CIP2A: variants seen among roughly 807,000 people sequenced by gnomAD.
The protein encoded by CIP2A is cellular inhibitor of PP2A, also known as protein CIP2A.
In CIP2A, 103 loss-of-function variants were observed where a neutral mutation model predicts 110.9. The ratio of observed to expected loss-of-function variants is 0.93; its 90% CI spans 0.79 to 1.09. The LOEUF is 1.09. Ranked by LOEUF, CIP2A falls within the 50% of genes least tolerant of loss-of-function variation. The probability of loss-of-function intolerance (pLI) is 0.00; values close to 1 mark genes in which losing one functional copy is unlikely to be tolerated. For missense variants in CIP2A, 1,088 were observed against 1,038.4 expected (o/e 1.05, Z -0.66); for synonymous variants, 381 against 361.6 (o/e 1.05, Z -0.61).
intron 8 of CIP2A, among the ~76,000 whole-genome samples, chr3:108,573,685 A>C (rs2107347064): frequency 6.6e-6 from 1 of 152,246 alleles, no homozygotes; most frequent in South Asian, 2.1e-4. Flanking sequence ...AATTAGAAAT[A>C]GTTCTCATAT....
chr3:108,551,897 A>C (rs1937605822), intron 20 of CIP2A, among the ~76,000 whole-genome samples: 1 of 152,146 alleles, frequency 6.6e-6, no homozygotes, highest in Non-Finnish European at 1.5e-5. Context: ...TTCAGTTGTA[A>C]GTTGAAAATA....
chr3:108,577,478 G>A (rs549693330), intron 7 of CIP2A, among the ~76,000 whole-genome samples: 1 of 152,274 alleles, frequency 6.6e-6, no homozygotes, highest in South Asian at 2.1e-4. Flanking sequence ...ATAAACATAG[G>A]TACGTTTGTC....
rs1215343897 is a variant in CIP2A, at chr3:108,579,270, G to C, written c.818+11C>G. 6.3e-7 allele frequency: 1 copy of C among 1,592,868 alleles called. No homozygotes were observed. The highest frequency in any genetic ancestry group is 1.3e-5 in the African/African-American group (1 of 74,078). ...TAAAAAAGTTCTAAAATTGACTGAA[G>C]TGAGTCATACCTGGTGAGATAATCA... On this transcript the variant is annotated intron_variant, in intron 7 of 20. Coordinates refer to ENST00000295746, the MANE Select transcript of CIP2A (RefSeq NM_020890.3).
At chr3:108,559,696 T>C in intron 16 of CIP2A, 61 bp downstream of exon 16, 2 of 894,124 alleles carry the variant, frequency 2.2e-6, no homozygotes, top group Non-Finnish European at 3.3e-6. Flanking sequence ...ATAACTAATA[T>C]TTTGCATGTT....
intron 8 of CIP2A, among the ~76,000 whole-genome samples, chr3:108,570,192 C>A (rs756153749): frequency 6.6e-6 from 1 of 151,928 alleles, no homozygotes; most frequent in Non-Finnish European, 1.5e-5. Context: ...AATTCCACCT[C>A]ATTTCACATA....
rs892551100 is a variant in CIP2A, at chr3:108,558,531, G to A, written c.2014-1117C>T. ...TATTATGTGCCAAGTGCTATGCTAG[G>A]GCCTGGAGCTATAGAAGCAGTCTTT... On this transcript the variant is annotated intron_variant, in intron 16 of 20. Transcript: ENST00000295746. 2.0e-5 allele frequency among the ~76,000 whole-genome samples: 3 copies of A among 152,062 alleles called. No homozygotes were observed. In the South Asian group the frequency reaches 6.2e-4, roughly 32 times the overall value.
At chr3:108,575,802 GTA>G (rs1168154438) in intron 8 of CIP2A, among the ~76,000 whole-genome samples, 2 of 41,198 alleles carry the variant, frequency 4.9e-5, no homozygotes, top group East Asian at 4.2e-4. Flanking sequence ...ATATATACGT[GTA>G]TATATACTCA....
At chr3:108,587,117 T>C (rs556832364) in intron 1 of CIP2A, among the ~76,000 whole-genome samples, 2 of 151,438 alleles carry the variant, frequency 1.3e-5, no homozygotes, top group South Asian at 4.1e-4. Flanking sequence ...TTTCAGAAAA[T>C]TGTTTGGCAG....
At chr3:108,551,400 A>T in intron 20 of CIP2A, 81 bp from the exon 21 acceptor site, 1 of 1,011,334 alleles carries the variant, frequency 9.9e-7, no homozygotes, top group Non-Finnish European at 1.4e-6. Context: ...ATATTTTAAG[A>T]TGCTTTTATT....
At chr3:108,568,697 A>G (rs1938270407) in intron 9 of CIP2A, among the ~76,000 whole-genome samples, 1 of 151,978 alleles carries the variant, frequency 6.6e-6, no homozygotes, top group Non-Finnish European at 1.5e-5. Flanking sequence ...TTCCCTCAAG[A>G]CCCTCAAAGG....
At chr3:108,568,841 G>A (rs775947055) in intron 9 of CIP2A, among the ~76,000 whole-genome samples, 7 of 151,898 alleles carry the variant, frequency 4.6e-5, no homozygotes, top group Non-Finnish European at 5.9e-5. Flanking sequence ...CCAGTTATGT[G>A]AAGGGAAATA....
At chr3:108,583,214 A>G in intron 2 of CIP2A, 131 bp from the exon 3 acceptor site, 3 of 445,444 alleles carry the variant, frequency 6.7e-6, no homozygotes, top group Non-Finnish European at 1.2e-5. Context: ...TATTTTCTTT[A>G]TGATAACCCT....
rs868640503 is a variant in CIP2A at position 108,560,837 on chromosome 3, C to A, written c.1639G>T (p.Gly547Ter). The A allele has an allele frequency of 6.4e-7, 1 of 1,552,850 alleles. No individual in the cohort carries two copies. Among genetic ancestry groups the A allele is most frequent in the Non-Finnish European group, 8.7e-7 (1 of 1,150,552 alleles). The change falls in exon 14 of 21, where the codon GGA (glycine) becomes TGA (stop). Residue 547 changes from glycine to a stop codon, truncating the protein, a stop_gained. Coordinates refer to ENST00000295746, the MANE Select transcript of CIP2A (RefSeq NM_020890.3). LOFTEE classifies it high-confidence loss of function. ...PLPDFPALVLGESIAANNAYR... is the reference protein window; with the variant it reads ...PLPDFPALVL Reference sequence around the variant, plus strand: ...GCATTGTTTGCTGCTATACTTTCTCCAAGTCTGAATGGGAGTCAAAGAAAG... The same window carrying A: ...GCATTGTTTGCTGCTATACTTTCTCAAAGTCTGAATGGGAGTCAAAGAAAG...
At chr3:108,583,114 T>A (rs753407477) in intron 2 of CIP2A, 31 bp from the exon 3 acceptor site, 13 of 1,225,798 alleles carry the variant, frequency 1.1e-5, no homozygotes, top group Non-Finnish European at 1.5e-5. Context: ...ACAAAATATA[T>A]CATTTTCTTA....
In CIP2A at chr3:108,554,360, G is replaced by A; in HGVS notation, c.2324+16C>T. On this transcript the variant is annotated intron_variant, in intron 18 of 20. Transcript: ENST00000295746. ...AAAAATCCCACATATTCAGAATATA[G>A]AACTAGAGATTTTACTTTTCATTTT... 1 of 1,060,234 alleles carries A rather than the reference G, an allele frequency of 9.4e-7. No individual in the cohort carries two copies. The highest frequency in any genetic ancestry group is 1.4e-6 in the Non-Finnish European group (1 of 700,226). 65.7% of individuals were successfully genotyped at this position (1,060,234 alleles called of 1,614,324 possible).
At chr3:108,576,462 T>C in intron 7 of CIP2A, 116 bp from the exon 8 acceptor site, 2 of 548,220 alleles carry the variant, frequency 3.6e-6, no homozygotes, top group South Asian at 6.6e-5. Flanking sequence ...TCTATTTATT[T>C]GGGCTTCTAA....
chr3:108,571,979 G>A (rs1014958879), intron 8 of CIP2A, among the ~76,000 whole-genome samples: 2 of 152,030 alleles, frequency 1.3e-5, no homozygotes, highest in Admixed American at 6.6e-5. Context: ...TGATAAAGTG[G>A]TAAATCACTT....
chr3:108,569,168 C>CCATATATATATATATATATATA (rs1938287292), intron 9 of CIP2A, among the ~76,000 whole-genome samples: 1 of 11,086 alleles, frequency 9.0e-5, no homozygotes, highest in African/African-American at 2.1e-4. Context: ...GAAATGAGCA[C>CCATATATATATATATATATATA]TATATATATA....
In CIP2A at chr3:108,589,363, C is replaced by A. The variant is rs1353661068; in HGVS notation, c.13G>T (p.Ala5Ser). Residue 5 changes from alanine (A) to serine (S), a missense_variant, in exon 1 of 21, where the codon GCC (alanine) becomes TCC (serine). Ala to Ser is a moderately conservative substitution (Grantham distance 99). Transcript: ENST00000295746. MDST[A>S]CLKSLLLTVS... Reference sequence around the variant, plus strand: ...GTCAGGAGCAAGGACTTCAAGCAGGCAGTGGAGTCCATTGCACCGGCCGCG... The same window carrying A: ...GTCAGGAGCAAGGACTTCAAGCAGGAAGTGGAGTCCATTGCACCGGCCGCG... 1.9e-6 allele frequency: 3 copies of A among 1,613,050 alleles called. No homozygotes were observed. The highest frequency in any genetic ancestry group is 2.2e-5 in the East Asian group (1 of 44,846).
Sources: gnomAD v4.1 joint callset for allele counts (sites outside exome capture counted in the v4.1 genomes callset) on GRCh38, gnomAD v4.1.1 for gene constraint, MANE v1.5 for transcripts, NCBI Gene and HGNC (gene_info 2026-07-23, HGNC 2026-07-21) for gene names.